The following FGF18 variants were observed in gnomAD, a reference collection of about 807,000 sequenced individuals.
FGF18 encodes fibroblast growth factor 18.
In FGF18, 5 loss-of-function variants were observed where a neutral mutation model predicts 23.0. That is an observed-to-expected ratio of 0.22 (90% CI 0.11 to 0.46). The LOEUF is 0.46. FGF18 is among the 20% of genes least tolerant of loss of function. The probability of loss-of-function intolerance (pLI) is 0.99; values close to 1 mark genes in which losing one functional copy is unlikely to be tolerated. For synonymous variants in FGF18, 117 were observed against 118.9 expected (o/e 0.98, Z 0.10); for missense variants, 180 against 291.6 (o/e 0.62, Z 2.79).
intron 3 of FGF18, among the ~76,000 whole-genome samples, chr5:171,444,356 G>A (rs1404061399): frequency 6.6e-6 from 1 of 152,212 alleles, no homozygotes; most frequent in African/African-American, 2.4e-5. Context: ...CTGTGTGACT[G>A]TGGGACTCGG....
At chr5:171,453,469 G>A (rs529003539) in intron 4 of FGF18, among the ~76,000 whole-genome samples, 1 of 152,280 alleles carries the variant, frequency 6.6e-6, no homozygotes, top group African/African-American at 2.4e-5. Context: ...GGGCCTGGGG[G>A]AGGCGAGATG....
At position 171,453,109 on chromosome 5, in the gene FGF18, T is replaced by C. The variant is rs138669228; in HGVS notation, c.358-3430T>C. Among the ~76,000 whole-genome samples, 118 of 152,334 alleles carry C rather than the reference T, an allele frequency of 7.7e-4. 1 individual carries two copies. Among genetic ancestry groups the C allele is most frequent in the African/African-American group, 2.8e-3 (116 of 41,582 alleles). On this transcript the variant is annotated intron_variant, in intron 4 of 4. Transcript: ENST00000274625. Reference sequence around the variant, plus strand: ...TACATACTGATGCTTCTGCCTTGCCTGAACCAATTAAGTCAGAGTTTCCGG... The same window carrying C: ...TACATACTGATGCTTCTGCCTTGCCCGAACCAATTAAGTCAGAGTTTCCGG...
At chr5:171,421,498 A>ACC (rs1772006278) in intron 2 of FGF18, among the ~76,000 whole-genome samples, 4 of 152,138 alleles carry the variant, frequency 2.6e-5, no homozygotes, top group South Asian at 2.1e-4. Context: ...ATTAGAGAAG[A>ACC]TTCTTAGACC....
At chr5:171,424,626 G>A (rs1424034855) in intron 2 of FGF18, among the ~76,000 whole-genome samples, 1 of 152,212 alleles carries the variant, frequency 6.6e-6, no homozygotes, top group Admixed American at 6.5e-5. Context: ...TTAGAGACAT[G>A]CTAGGGATCT....
At chr5:171,450,692 C>G (rs1018530174) in intron 4 of FGF18, among the ~76,000 whole-genome samples, 2 of 152,110 alleles carry the variant, frequency 1.3e-5, no homozygotes, top group Admixed American at 1.3e-4. Context: ...TCCGCCGTTG[C>G]GAGGCTGGCC....
chr5:171,428,526 T>C (rs1772131436), intron 2 of FGF18, among the ~76,000 whole-genome samples: 1 of 152,208 alleles, frequency 6.6e-6, no homozygotes, highest in Non-Finnish European at 1.5e-5. Flanking sequence ...ACTGTGAGCC[T>C]CTGCGTGCGT....
chr5:171,431,610 G>C (rs1447126827), intron 2 of FGF18, among the ~76,000 whole-genome samples: 2 of 152,138 alleles, frequency 1.3e-5, no homozygotes, highest in African/African-American at 4.8e-5. Flanking sequence ...TGGGATCTTA[G>C]GCTGAAGGGG....
Position 171,456,844 on chromosome 5 carries a change from C to T in FGF18, c.*39C>T. The T allele has an allele frequency of 1.3e-6, 2 of 1,563,236 alleles. No homozygotes were observed. The highest frequency in any genetic ancestry group is 1.7e-6 in the Non-Finnish European group (2 of 1,156,324). ...GGCCCCTCAGGTCGCCCTGGCCACA[C>T]TCACACTCCCAGAAAACTGCATCAG... is the stretch of plus-strand genomic sequence containing the variant. On this transcript the variant is annotated 3_prime_UTR_variant, in exon 5 of 5. Transcript: ENST00000274625. The surrounding 1 kb of genome is among the most constrained non-coding windows in gnomAD (Gnocchi z 6.1).
At chr5:171,454,245 G>C (rs906295694) in intron 4 of FGF18, among the ~76,000 whole-genome samples, 2 of 152,172 alleles carry the variant, frequency 1.3e-5, no homozygotes, top group Non-Finnish European at 2.9e-5. Context: ...AGCCTGGAGG[G>C]ATGAAAGCCA....
chr5:171,452,635 ATT>A (rs1252272027), intron 4 of FGF18, among the ~76,000 whole-genome samples: 1 of 151,842 alleles, frequency 6.6e-6, no homozygotes, highest in Non-Finnish European at 1.5e-5. Flanking sequence ...TGTGCTAGGC[ATT>A]TTTTTCCCCA....
chr5:171,438,741 G>A (rs1355507179), intron 3 of FGF18, among the ~76,000 whole-genome samples: 6 of 151,982 alleles, frequency 3.9e-5, no homozygotes, highest in Non-Finnish European at 5.9e-5. Flanking sequence ...CCCCATCTGT[G>A]AGCCCGGGGA....
At chr5:171,455,575 C>T (rs760166880) in intron 4 of FGF18, among the ~76,000 whole-genome samples, 8 of 152,182 alleles carry the variant, frequency 5.3e-5, no homozygotes, top group Admixed American at 2.0e-4. Flanking sequence ...GTGACCAGGA[C>T]GTAGTTTCTG....
At chr5:171,432,792 G>A (rs1430879803) in intron 2 of FGF18, among the ~76,000 whole-genome samples, 1 of 152,226 alleles carries the variant, frequency 6.6e-6, no homozygotes, top group East Asian at 1.9e-4. Context: ...CCTCTGTGGG[G>A]CACTCTGGTT....
At chr5:171,443,658 T>A (rs918235176) in intron 3 of FGF18, among the ~76,000 whole-genome samples, 1 of 152,028 alleles carries the variant, frequency 6.6e-6, no homozygotes, top group Non-Finnish European at 1.5e-5. Context: ...CCTGTTATCA[T>A]CATTCTTTAG....
chr5:171,454,315 T>C (rs994748494), intron 4 of FGF18, among the ~76,000 whole-genome samples: 2 of 152,168 alleles, frequency 1.3e-5, no homozygotes, highest in South Asian at 2.1e-4. Flanking sequence ...GCCTTTGTTC[T>C]GTTTGCTCCA....
intron 3 of FGF18, among the ~76,000 whole-genome samples, chr5:171,443,279 G>A (rs570258752): frequency 3.5e-4 from 53 of 151,170 alleles, no homozygotes; most frequent in African/African-American, 1.3e-3. Flanking sequence ...ACAGGCATGT[G>A]CCACCACACC....
In FGF18 at chr5:171,436,342, A is replaced by C; in HGVS notation, c.250+69A>C. 30 of 1,256,370 alleles carry C rather than the reference A, an allele frequency of 2.4e-5. No individual in the cohort carries two copies. Among genetic ancestry groups the C allele is most frequent in the South Asian group, 6.2e-5 (3 of 48,432 alleles). The allele number at this position is 1,256,370 out of a possible 1,614,324, so 77.8% of individuals were successfully genotyped here. A position where few individuals can be genotyped will look rare whatever the true frequency, so the allele number is the denominator to read the frequency against. On this transcript the variant is annotated intron_variant, in intron 3 of 4. Coordinates refer to ENST00000274625, the MANE Select transcript of FGF18 (RefSeq NM_003862.3). The surrounding 1 kb of genome is among the most constrained non-coding windows in gnomAD (Gnocchi z 4.4). ...TGTCCTTCCTGGCCTCAGAGACCTC[A>C]AGTTCAAATGCCAGCCTTGCTGCTC...
At position 171,440,632 on chromosome 5, in the gene FGF18, A is replaced by G. The variant is rs182289560; in HGVS notation, c.250+4359A>G. On this transcript the variant is annotated intron_variant, in intron 3 of 4. Transcript: ENST00000274625. The surrounding 1 kb of genome is among the most constrained non-coding windows in gnomAD (Gnocchi z 4.0). ...ACCTAGGCTGTGAACTTCCCACGTGACTGTGAGCCCACCCATTCTCTCCCT... is the reference window on the plus strand; with the variant it reads ...ACCTAGGCTGTGAACTTCCCACGTGGCTGTGAGCCCACCCATTCTCTCCCT... 2.8e-3 allele frequency among the ~76,000 whole-genome samples: 426 copies of G among 152,214 alleles called. No homozygotes were observed. Among genetic ancestry groups the G allele is most frequent in the African/African-American group, 9.1e-3 (378 of 41,530 alleles).
Position 171,456,468 on chromosome 5 carries a change from T to G in FGF18, c.358-71T>G. 2.0e-6 allele frequency: 3 copies of G among 1,504,756 alleles called. No homozygotes were observed. Among genetic ancestry groups the G allele is most frequent in the Non-Finnish European group, 2.7e-6 (3 of 1,105,688 alleles). The allele number at this position is 1,504,756 out of a possible 1,614,324, so 93.2% of individuals were successfully genotyped here. A position where few individuals can be genotyped will look rare whatever the true frequency, so the allele number is the denominator to read the frequency against. On this transcript the variant is annotated intron_variant, in intron 4 of 4. Coordinates refer to ENST00000274625, the MANE Select transcript of FGF18 (RefSeq NM_003862.3). The surrounding 1 kb of genome is among the most constrained non-coding windows in gnomAD (Gnocchi z 6.1). ...AATCGCAATGGTCCTGAATAAAACCTTCCTCGCTGTGCTTTGGCAAGCATA... is the reference window on the plus strand; with the variant it reads ...AATCGCAATGGTCCTGAATAAAACCGTCCTCGCTGTGCTTTGGCAAGCATA...
Sources: gnomAD v4.1 joint callset for allele counts (sites outside exome capture counted in the v4.1 genomes callset) on GRCh38, gnomAD v4.1.1 for gene constraint, Gnocchi (gnomAD v3.1) non-coding constraint, MANE v1.5 for transcripts, NCBI Gene and HGNC (gene_info 2026-07-23, HGNC 2026-07-21) for gene names.